The following PTPN12 variants were observed in gnomAD, a reference collection of about 807,000 sequenced individuals.
PTPN12 encodes protein tyrosine phosphatase non-receptor type 12.
PTPN12 carries 29 observed loss-of-function variants against 97.6 expected under a neutral mutation model. The observed-to-expected ratio is 0.30, with a 90% CI of 0.22 to 0.41. The LOEUF is 0.41. Ranked by LOEUF, PTPN12 falls within the 10% of genes least tolerant of loss-of-function variation. The pLI is 1.00. For missense variants in PTPN12, 819 were observed against 926.0 expected (o/e 0.88, Z 1.50); for synonymous variants, 327 against 300.4 (o/e 1.09, Z -0.91).
chr7:77,636,589 A>G (rs1431427081), intron 15 of PTPN12, among the ~76,000 whole-genome samples: 1 of 152,150 alleles, frequency 6.6e-6, no homozygotes, highest in African/African-American at 2.4e-5. Flanking sequence ...CTCAGCAACA[A>G]CACATTTGTC....
chr7:77,613,372 A>G (rs945377972), intron 11 of PTPN12, among the ~76,000 whole-genome samples: 4 of 144,086 alleles, frequency 2.8e-5, no homozygotes, highest in South Asian at 2.3e-4. Flanking sequence ...ACAGGGTTTC[A>G]CCATGTTGGC....
At chr7:77,607,187 GT>G in intron 8 of PTPN12, 47 bp from the exon 9 acceptor site, 1 of 1,391,972 alleles carries the variant, frequency 7.2e-7, no homozygotes, top group East Asian at 2.3e-5. Context: ...TTATTTTATA[GT>G]TGTTTTATCA....
chr7:77,586,199 C>A (rs894134120), intron 5 of PTPN12, among the ~76,000 whole-genome samples: 1 of 152,136 alleles, frequency 6.6e-6, no homozygotes, highest in Admixed American at 6.6e-5. Context: ...GGTGTTCTGC[C>A]CACCTCGGCC....
chr7:77,543,629 T>A (rs1195518891), intron 1 of PTPN12, among the ~76,000 whole-genome samples: 2 of 152,158 alleles, frequency 1.3e-5, no homozygotes, highest in Admixed American at 1.3e-4. Flanking sequence ...ATAATCAATT[T>A]TAGGACATTT....
intron 14 of PTPN12, among the ~76,000 whole-genome samples, chr7:77,633,630 T>C (rs1411337580): frequency 6.6e-6 from 1 of 151,070 alleles, no homozygotes; most frequent in African/African-American, 2.4e-5. Context: ...AAGTAGCACT[T>C]ATTTATGAAA....
chr7:77,604,013 C>T (rs1436842936), intron 8 of PTPN12, among the ~76,000 whole-genome samples: 3 of 149,524 alleles, frequency 2.0e-5, no homozygotes, highest in African/African-American at 4.9e-5. Context: ...CTCAGCCTCC[C>T]GAGTACTGGG....
At chr7:77,619,906 C>G (rs774152745) in intron 12 of PTPN12, among the ~76,000 whole-genome samples, 1 of 152,172 alleles carries the variant, frequency 6.6e-6, no homozygotes, top group Non-Finnish European at 1.5e-5. Flanking sequence ...GCTATCAGAA[C>G]TTTTAGTAGT....
chr7:77,631,036 T>G (rs1789380535), intron 13 of PTPN12, among the ~76,000 whole-genome samples: 1 of 152,144 alleles, frequency 6.6e-6, no homozygotes, highest in South Asian at 2.1e-4. Flanking sequence ...ACTGCCCTTT[T>G]TGTTTTGTTC....
rs1294300424 is a variant in PTPN12 at position 77,625,494 on chromosome 7, T to G, written c.1026-1211T>G. 3.2e-3 allele frequency among the ~76,000 whole-genome samples: 329 copies of G among 102,158 alleles called. 67 individuals are homozygous for G. Among genetic ancestry groups the G allele is most frequent in the Middle Eastern group, 0.018 (4 of 218 alleles). 67.0% of individuals were successfully genotyped at this position (102,158 alleles called of 152,430 possible). A position where few individuals can be genotyped will look rare whatever the true frequency, so the allele number is the denominator to read the frequency against. On this transcript the variant is annotated intron_variant, in intron 12 of 17. Transcript: ENST00000248594. ...CTCGCTCTCTCTCTCTCTCTCTCTC[T>G]CTCTCTCTCTCTCTCTCTCTCTCTC...
chr7:77,639,367 G>A lies in PTPN12; in HGVS notation c.*87G>A. Reference sequence around the variant, plus strand: ...ATTTATAGTATTCCATCTTTAATATGTGGGACTAACAGCAGTGTAGATTGT... The same window carrying A: ...ATTTATAGTATTCCATCTTTAATATATGGGACTAACAGCAGTGTAGATTGT... On this transcript the variant is annotated 3_prime_UTR_variant, in exon 18 of 18. Coordinates refer to ENST00000248594, the MANE Select transcript of PTPN12 (RefSeq NM_002835.4). The A allele has an allele frequency of 9.0e-7, 1 of 1,107,222 alleles. No homozygotes were observed. Among genetic ancestry groups the A allele is most frequent in the Admixed American group, 2.0e-5 (1 of 49,486 alleles). The allele number at this position is 1,107,222 out of a possible 1,614,324, so 68.6% of individuals were successfully genotyped here. A position where few individuals can be genotyped will look rare whatever the true frequency, so the allele number is the denominator to read the frequency against.
chr7:77,586,896 CTCCTCA>C (rs1426501261), intron 5 of PTPN12, among the ~76,000 whole-genome samples: 1 of 152,216 alleles, frequency 6.6e-6, no homozygotes, highest in East Asian at 1.9e-4. Context: ...TAAGAAGCAA[CTCCTCA>C]TCCATTCCAG....
chr7:77,626,849 G>C lies in PTPN12; in HGVS notation c.1170G>C (p.Lys390Asn). The change falls in exon 13 of 18, where the codon AAG becomes AAC. Residue 390 changes from lysine (K) to asparagine (N), a missense_variant. This residue lies in a region of PTPN12 where 607 missense variants were observed against 577.3 expected (regional missense o/e 1.05). Coordinates refer to ENST00000248594, the MANE Select transcript of PTPN12 (RefSeq NM_002835.4). ...AGGACAATGATAGATACCATCCAAA[G>C]CCAGTGTTGCATATGGTTTCATCAG... is the stretch of plus-strand genomic sequence containing the variant. Reference protein sequence around the residue: ...VWQDNDRYHPKPVLHMVSSEQ... With the variant: ...VWQDNDRYHPNPVLHMVSSEQ... 1 of 1,613,856 alleles carries C rather than the reference G, an allele frequency of 6.2e-7. No individual in the cohort carries two copies. Among genetic ancestry groups the C allele is most frequent in the Middle Eastern group, 1.7e-4 (1 of 6,060 alleles).
chr7:77,628,374 G>A (rs934293189), intron 13 of PTPN12, among the ~76,000 whole-genome samples: 2 of 152,104 alleles, frequency 1.3e-5, no homozygotes, highest in African/African-American at 2.4e-5. Context: ...TCTTTGATCT[G>A]CTGAAAGTAA....
intron 12 of PTPN12, among the ~76,000 whole-genome samples, chr7:77,624,369 CATTT>C (rs1789056328): frequency 6.6e-6 from 1 of 151,920 alleles, no homozygotes; most frequent in Non-Finnish European, 1.5e-5. Flanking sequence ...TGGAGATATT[CATTT>C]ATCTTCTCAT....
At position 77,625,552 on chromosome 7, in the gene PTPN12, TCGCTCTCTCTC is replaced by T. The variant is rs1789140402; in HGVS notation, c.1026-1152_1026-1142del. 2.5e-5 allele frequency among the ~76,000 whole-genome samples: 2 copies of T among 78,590 alleles called. 1 individual carries two copies. The highest frequency in any genetic ancestry group is 1.3e-4 in the African/African-American group (2 of 15,744). 51.6% of individuals were successfully genotyped at this position (78,590 alleles called of 152,430 possible). ...CTCACTCTCACTCGCGCTCTCTCTC[TCGCTCTCTCTC>T]TCTTTTTTTTTTTTTTTTTTTTTTT... On this transcript the variant is annotated intron_variant, in intron 12 of 17. Coordinates refer to ENST00000248594, the MANE Select transcript of PTPN12 (RefSeq NM_002835.4).
At chr7:77,537,762 G>A (rs1806726736) in intron 1 of PTPN12, 117 bp downstream of exon 1, 1 of 1,138,610 alleles carries the variant, frequency 8.8e-7, no homozygotes, top group Non-Finnish European at 1.2e-6. Context: ...CGGAGGGGGC[G>A]CGCACCAGCC....
chr7:77,566,208 A>G lies in PTPN12; in HGVS notation c.100-4870A>G, dbSNP rs76383298. ...GGTGGTGAGTAATTCTATATGACTA[A>G]AGCATCAAACTCTAATAAGAGCATT... is the stretch of plus-strand genomic sequence containing the variant. On this transcript the variant is annotated intron_variant, in intron 1 of 17. Transcript: ENST00000248594. Among the ~76,000 whole-genome samples the G allele has an allele frequency of 3.0e-4, 46 of 152,360 alleles. 1 individual carries two copies. Among genetic ancestry groups the G allele is most frequent in the African/African-American group, 1.0e-3 (43 of 41,582 alleles).
At position 77,571,079 on chromosome 7, in the gene PTPN12, G is replaced by A. The variant is rs747950250; in HGVS notation, c.101G>A (p.Arg34Gln). 3.2e-6 allele frequency: 5 copies of A among 1,540,210 alleles called. No individual in the cohort carries two copies. The highest frequency in any genetic ancestry group is 2.2e-5 in the Admixed American group (1 of 46,188). Residue 34 changes from arginine to glutamine, a missense_variant and splice_region_variant, in exon 2 of 18, where the codon CGG becomes CAG. Physicochemically the swap from Arg to Gln is conservative, Grantham distance 43. This residue lies in a region of PTPN12 where 66 missense variants were observed against 133.6 expected (regional missense o/e 0.49). Transcript: ENST00000248594. ...GEDNFARDFM[R>Q]LRRLSTKYRT... ...AATTTTTATTTGTTGTATTTTAAGC[G>A]GTTAAGAAGATTGTCTACCAAATAT...
chr7:77,596,349 TTAGGAGACTTTATCTGA>T (rs1201285966), intron 6 of PTPN12, among the ~76,000 whole-genome samples: 1 of 152,176 alleles, frequency 6.6e-6, no homozygotes, highest in Non-Finnish European at 1.5e-5. Context: ...GGTCTATCTG[TTAGGAGACTTTATCTGA>T]TAGGAGACTT....
Sources: gnomAD v4.1 joint callset for allele counts (sites outside exome capture counted in the v4.1 genomes callset) on GRCh38, gnomAD v4.1.1 for gene constraint, gnomAD v4.1.1 regional missense constraint, MANE v1.5 for transcripts, NCBI Gene and HGNC (gene_info 2026-07-23, HGNC 2026-07-21) for gene names.